The following COPS3 variants were observed in gnomAD, a reference collection of about 807,000 sequenced individuals.
COPS3 encodes the protein COP9 signalosome complex subunit 3.
COPS3 carries 10 observed loss-of-function variants against 58.2 expected under a neutral mutation model. The ratio of observed to expected loss-of-function variants is 0.17; its 90% CI spans 0.11 to 0.29. The LOEUF is 0.29. Among genes scored for constraint, COPS3 ranks in the 10% least tolerant of loss-of-function variants. The probability of loss-of-function intolerance (pLI) is 1.00; values close to 1 mark genes in which losing one functional copy is unlikely to be tolerated. For missense variants in COPS3, 333 were observed against 510.1 expected, an observed-to-expected ratio of 0.65 and a Z score of 3.34; for synonymous variants, 187 against 181.7, an observed-to-expected ratio of 1.03 and a Z score of -0.24.
chr17:17,268,323 G>C (rs1478860926), intron 4 of COPS3, among the ~76,000 whole-genome samples: 1 of 152,090 alleles, frequency 6.6e-6, no homozygotes, highest in Non-Finnish European at 1.5e-5. Flanking sequence ...TTATACAAGA[G>C]ACAACAGCCT....
chr17:17,269,658 G>A (rs370327973), intron 4 of COPS3, among the ~76,000 whole-genome samples: 7 of 152,064 alleles, frequency 4.6e-5, no homozygotes, highest in East Asian at 3.8e-4. Flanking sequence ...TATTATAAAA[G>A]ATAAAGAATG....
chr17:17,280,939 C>G (rs1248580427), intron 1 of COPS3, among the ~76,000 whole-genome samples, 193 bp downstream of exon 1: 1 of 152,024 alleles, frequency 6.6e-6, no homozygotes, highest in African/African-American at 2.4e-5. Context: ...GCGAGGACAG[C>G]GGAGCGCGAG....
In COPS3 at chr17:17,276,107, T is replaced by C. The variant is rs1285066178; in HGVS notation, c.113A>G (p.Asn38Ser). Residue 38 changes from asparagine (N) to serine (S), a missense_variant, in exon 2 of 12, where the codon AAC becomes AGC. By Grantham distance (46) the Asn-to-Ser change is conservative. Coordinates refer to ENST00000268717, the MANE Select transcript of COPS3 (RefSeq NM_003653.4). ...INKSGELLAK[N>S]LSHLDTVLGA... ...GAGCACAGTGTCCAGATGGGATAAG[T>C]TCTTCGCAAGGAGTTCCCCACTCTT... The C allele has an allele frequency of 6.2e-7, 1 of 1,613,980 alleles. No individual in the cohort carries two copies. The highest frequency in any genetic ancestry group is 8.5e-7 in the Non-Finnish European group (1 of 1,180,000).
chr17:17,257,526 G>A (rs1456762044), intron 8 of COPS3, among the ~76,000 whole-genome samples: 1 of 151,970 alleles, frequency 6.6e-6, no homozygotes, highest in Non-Finnish European at 1.5e-5. Context: ...GGCCGGGCGT[G>A]GTGGCTCATG....
chr17:17,277,212 T>C (rs2048478665), intron 1 of COPS3, among the ~76,000 whole-genome samples: 1 of 152,118 alleles, frequency 6.6e-6, no homozygotes, highest in African/African-American at 2.4e-5. Flanking sequence ...TCATCTCAGC[T>C]CCCTTCCCCA....
intron 10 of COPS3, among the ~76,000 whole-genome samples, chr17:17,248,084 C>T (rs1020570044): frequency 6.6e-6 from 1 of 152,128 alleles, no homozygotes; most frequent in Non-Finnish European, 1.5e-5. Flanking sequence ...CTTTGCTCTT[C>T]TCCTCCAGCC....
intron 1 of COPS3, among the ~76,000 whole-genome samples, chr17:17,276,723 T>A (rs1198705495): frequency 6.6e-6 from 1 of 151,986 alleles, no homozygotes; most frequent in Non-Finnish European, 1.5e-5. Context: ...CGCCTGCCAC[T>A]GCACCTGGCT....
intron 11 of COPS3, 93 bp from the exon 12 acceptor site, chr17:17,247,244 C>A: frequency 8.2e-7 from 1 of 1,225,028 alleles, no homozygotes; most frequent in Non-Finnish European, 1.2e-6. Context: ...CTGTCCCTCC[C>A]AGAACAAAGC....
chr17:17,262,191 A>G (rs2048116127), intron 6 of COPS3, 85 bp from the exon 7 acceptor site: 3 of 1,229,230 alleles, frequency 2.4e-6, no homozygotes, highest in Non-Finnish European at 3.4e-6. Context: ...ATTAATTATA[A>G]GTCAATAATA....
intron 8 of COPS3, among the ~76,000 whole-genome samples, chr17:17,255,932 G>A (rs995029190): frequency 2.6e-5 from 4 of 151,384 alleles, no homozygotes; most frequent in Non-Finnish European, 5.9e-5. Flanking sequence ...CACTTTGGGA[G>A]GCCCAGGCGA....
Position 17,262,942 on chromosome 17 carries a change from C to T in COPS3, c.622-836G>A, listed in dbSNP as rs2048134888. On this transcript the variant is annotated intron_variant, in intron 6 of 11. Transcript: ENST00000268717. ...TGAGGACGAGTCTCTGTTACCCAGG[C>T]TGGAGTGCAGTGGCGCAATCCCGGC... is the stretch of plus-strand genomic sequence containing the variant. Among the ~76,000 whole-genome samples, 8 of 149,228 alleles carry T rather than the reference C, an allele frequency of 5.4e-5. No individual in the cohort carries two copies. The Admixed American group carries it at 5.4e-4, about 10-fold the overall frequency.
intron 6 of COPS3, among the ~76,000 whole-genome samples, chr17:17,263,897 T>C (rs1022651585): frequency 6.6e-6 from 1 of 152,170 alleles, no homozygotes; most frequent in African/African-American, 2.4e-5. Flanking sequence ...GCTACAGCAA[T>C]GATAATGCAT....
rs1200085214 is a variant in COPS3 at position 17,249,047 on chromosome 17, AAG to A, written c.1024-10_1024-9del. 1.3e-6 allele frequency: 2 copies of A among 1,521,306 alleles called. No individual in the cohort carries two copies. The highest frequency in any genetic ancestry group is 2.3e-5 in the East Asian group (1 of 44,118). 94.2% of individuals were successfully genotyped at this position (1,521,306 alleles called of 1,614,324 possible). A position where few individuals can be genotyped will look rare whatever the true frequency, so the allele number is the denominator to read the frequency against. ...AATCTCACCATCTTCTATCTGCAGA[AAG>A]AAAAAAAAAAAAATCAGGAAAGCAG... On this transcript the variant is annotated splice_polypyrimidine_tract_variant and intron_variant, in intron 9 of 11. Transcript: ENST00000268717.
At chr17:17,280,740 A>G in intron 1 of COPS3, 1 of 1,240,216 alleles carries the variant, frequency 8.1e-7, no homozygotes, top group South Asian at 1.4e-5. Flanking sequence ...CAAGCTGCGG[A>G]TCGGCGGCAA....
chr17:17,265,042 G>A (rs1216696179), intron 5 of COPS3, 61 bp from the exon 6 acceptor site: 3 of 1,434,048 alleles, frequency 2.1e-6, no homozygotes, highest in African/African-American at 2.9e-5. Flanking sequence ...ATTAGCAGAA[G>A]GAGAAAATTC....
In COPS3 at chr17:17,264,995, G is replaced by T; in HGVS notation, c.442-14C>A. Reference sequence around the variant, plus strand: ...TAGCAAACAAAGCTGTGAACAAATTGATATTAAATCATCACTTTAATTTTA... The same window carrying T: ...TAGCAAACAAAGCTGTGAACAAATTTATATTAAATCATCACTTTAATTTTA... On this transcript the variant is annotated splice_polypyrimidine_tract_variant and intron_variant, in intron 5 of 11. Transcript: ENST00000268717. The T allele has an allele frequency of 6.2e-7, 1 of 1,602,290 alleles. No individual in the cohort carries two copies. Among genetic ancestry groups the T allele is most frequent in the South Asian group, 1.1e-5 (1 of 89,054 alleles).
chr17:17,250,289 C>G (rs112599680), intron 9 of COPS3, among the ~76,000 whole-genome samples: 2 of 137,768 alleles, frequency 1.5e-5, no homozygotes, highest in African/African-American at 5.4e-5. Context: ...GGGTCTCGCT[C>G]TGTTGCCCAG....
At chr17:17,254,304 T>TCAA (rs1555617022) in intron 9 of COPS3, among the ~76,000 whole-genome samples, 4 of 133,806 alleles carry the variant, frequency 3.0e-5, no homozygotes, top group Non-Finnish European at 4.7e-5. Context: ...TGAAGCCATC[T>TCAA]CAAAAAAAAA....
intron 7 of COPS3, 194 bp from the exon 8 acceptor site, chr17:17,260,668 T>C: frequency 4.4e-6 from 2 of 452,614 alleles, no homozygotes; most frequent in East Asian, 4.1e-5. Flanking sequence ...CTGAGCGTGA[T>C]AGCACATGCC....
Sources: allele counts gnomAD v4.1 joint callset (sites outside exome capture counted in the v4.1 genomes callset), GRCh38; gene constraint gnomAD v4.1.1; transcripts MANE v1.5; gene names NCBI Gene and HGNC (gene_info 2026-07-23, HGNC 2026-07-21).